The following NBEA variants were observed in gnomAD, a reference collection of about 807,000 sequenced individuals.
The protein encoded by NBEA is lysosomal-trafficking regulator 2.
NBEA carries 44 observed loss-of-function variants against 343.4 expected under a neutral mutation model. The ratio of observed to expected loss-of-function variants is 0.13; its 90% CI spans 0.10 to 0.16. The LOEUF (loss-of-function observed/expected upper bound fraction) is 0.16, where lower values mean the gene tolerates loss of function less well. Among genes scored for constraint, NBEA ranks in the 10% least tolerant of loss-of-function variants. NBEA has a pLI of 1.00. For synonymous variants in NBEA, 1,175 were observed against 1,238.7 expected (o/e 0.95, Z 1.08); for missense variants, 2,555 against 3,631.3 (o/e 0.70, Z 7.62).
At chr13:35,102,505 G>A (rs753756735) in intron 11 of NBEA, among the ~76,000 whole-genome samples, 1 of 151,436 alleles carries the variant, frequency 6.6e-6, no homozygotes, top group Non-Finnish European at 1.5e-5. Context: ...GAATCTTTCA[G>A]GTTATATACT....
intron 1 of NBEA, among the ~76,000 whole-genome samples, chr13:35,011,659 G>T (rs962458694): frequency 1.1e-4 from 16 of 151,788 alleles, no homozygotes; most frequent in African/African-American, 3.1e-4. Context: ...GCCCATAGTT[G>T]GTAGTTCACA....
chr13:35,179,215 A>G lies in NBEA; in HGVS notation c.4662+2112A>G, dbSNP rs146286664. Among the ~76,000 whole-genome samples, 507 of 151,690 alleles carry G rather than the reference A, an allele frequency of 3.3e-3. 1 individual carries two copies. The highest frequency in any genetic ancestry group is 9.9e-3 in the South Asian group (48 of 4,828). On this transcript the variant is annotated intron_variant, in intron 28 of 58. Transcript: ENST00000379939. ...CAGTTGTGTGGTCTCAGTGTTTCTG[A>G]GTCTTAACTTTTTCTTAACCCTTAA...
At chr13:35,403,650 C>T in intron 38 of NBEA, among the ~76,000 whole-genome samples, 1 of 151,830 alleles carries the variant, frequency 6.6e-6, no homozygotes, top group Non-Finnish European at 1.5e-5. Flanking sequence ...ACCATAAAGT[C>T]CCTAGAAGAA....
At chr13:35,383,721 T>C (rs1319154895) in intron 38 of NBEA, among the ~76,000 whole-genome samples, 1 of 151,916 alleles carries the variant, frequency 6.6e-6, no homozygotes, top group Non-Finnish European at 1.5e-5. Context: ...AAGGATATAG[T>C]ATATAATACA....
chr13:35,538,794 G>T lies in NBEA; in HGVS notation c.6586-11683G>T, dbSNP rs370227852. 2.2e-4 allele frequency among the ~76,000 whole-genome samples: 34 copies of T among 152,320 alleles called. No individual in the cohort carries two copies. In the East Asian group the frequency reaches 4.8e-3, roughly 22 times the overall value. ...AGCACTCAAAAAGTTTCTGATTTTT[G>T]AACATTTTGGATTTTGTGTTCCCAC... On this transcript the variant is annotated intron_variant, in intron 41 of 58. Coordinates refer to ENST00000379939, the MANE Select transcript of NBEA (RefSeq NM_001385012.1).
chr13:35,358,605 C>CT (rs1414169419), intron 38 of NBEA, among the ~76,000 whole-genome samples: 1 of 151,848 alleles, frequency 6.6e-6, no homozygotes, highest in Non-Finnish European at 1.5e-5. Flanking sequence ...GTAATCCCAG[C>CT]TACTCGGGAG....
intron 38 of NBEA, among the ~76,000 whole-genome samples, chr13:35,391,035 G>A (rs1430738537): frequency 1.3e-5 from 2 of 152,116 alleles, no homozygotes; most frequent in African/African-American, 4.8e-5. Context: ...AACACTTTGG[G>A]AGGCCAAGAC....
intron 36 of NBEA, among the ~76,000 whole-genome samples, chr13:35,310,485 G>A (rs192605777): frequency 2.0e-5 from 3 of 152,166 alleles, no homozygotes; most frequent in African/African-American, 7.2e-5. Flanking sequence ...ACGCTTTGCG[G>A]GCATGGCTGA....
chr13:35,516,047 G>C (rs1486420275), intron 41 of NBEA, among the ~76,000 whole-genome samples: 1 of 152,066 alleles, frequency 6.6e-6, no homozygotes, highest in South Asian at 2.1e-4. Context: ...CTCATGATAC[G>C]GAGTTAACCT....
chr13:35,593,179 T>A (rs1047470919), intron 46 of NBEA, 149 bp from the exon 47 acceptor site: 67 of 721,128 alleles, frequency 9.3e-5, no homozygotes, highest in Non-Finnish European at 1.3e-4. Flanking sequence ...CAGACAGGCA[T>A]CTCCTACTGC....
At chr13:35,052,006 C>T (rs1393600468) in intron 6 of NBEA, among the ~76,000 whole-genome samples, 1 of 151,994 alleles carries the variant, frequency 6.6e-6, no homozygotes, top group Non-Finnish European at 1.5e-5. Context: ...TCACTGTTCA[C>T]TTTTGGAAAA....
chr13:35,010,565 A>C (rs1164743602), intron 1 of NBEA, among the ~76,000 whole-genome samples: 1 of 135,494 alleles, frequency 7.4e-6, no homozygotes, highest in Admixed American at 7.7e-5. Context: ...TGGGCGATGG[A>C]GACCCTGTCT....
chr13:35,146,624 C>A (rs758006673), intron 18 of NBEA, among the ~76,000 whole-genome samples: 5 of 152,054 alleles, frequency 3.3e-5, no homozygotes, highest in African/African-American at 1.2e-4. Flanking sequence ...GGTATTGCGC[C>A]TGTGTCACAG....
At chr13:34,946,427 T>C (rs2059185628) in intron 1 of NBEA, among the ~76,000 whole-genome samples, 1 of 152,142 alleles carries the variant, frequency 6.6e-6, no homozygotes. Context: ...GAAGTTTCTT[T>C]TATAAACATA....
chr13:35,335,771 G>A (rs1392387397), intron 36 of NBEA, among the ~76,000 whole-genome samples: 3 of 151,946 alleles, frequency 2.0e-5, no homozygotes, highest in East Asian at 1.9e-4. Context: ...CAAATAGTGC[G>A]TTAACCAAAA....
intron 33 of NBEA, among the ~76,000 whole-genome samples, chr13:35,229,713 T>C (rs1053981459): frequency 6.6e-6 from 1 of 152,162 alleles, no homozygotes; most frequent in African/African-American, 2.4e-5. Flanking sequence ...TCTTTTTTGG[T>C]ATTTTTTGTA....
At chr13:35,639,743 G>A (rs899314691) in intron 49 of NBEA, among the ~76,000 whole-genome samples, 14 of 151,960 alleles carry the variant, frequency 9.2e-5, no homozygotes, top group East Asian at 3.9e-4. Flanking sequence ...GTATTTGGAC[G>A]TAGTTTGATA....
chr13:35,129,442 A>T (rs989489798), intron 17 of NBEA, among the ~76,000 whole-genome samples: 5 of 152,116 alleles, frequency 3.3e-5, no homozygotes, highest in Admixed American at 6.6e-5. Context: ...CCATGTAATT[A>T]AAAAAACCCT....
At chr13:35,376,644 G>A (rs2041757422) in intron 38 of NBEA, among the ~76,000 whole-genome samples, 1 of 152,084 alleles carries the variant, frequency 6.6e-6, no homozygotes, top group South Asian at 2.1e-4. Flanking sequence ...TTCTCTAGGA[G>A]GCCGGAGTCT....
Sources: gnomAD v4.1 joint callset for allele counts (sites outside exome capture counted in the v4.1 genomes callset) on GRCh38, gnomAD v4.1.1 for gene constraint, MANE v1.5 for transcripts, NCBI Gene and HGNC (gene_info 2026-07-23, HGNC 2026-07-21) for gene names.